The following MTX2 variants were observed in gnomAD, a reference collection of about 807,000 sequenced individuals.
MTX2 encodes the protein metaxin 2, also known as metaxin-2.
In MTX2, 35 loss-of-function variants were observed where a neutral mutation model predicts 42.3. The observed-to-expected ratio is 0.83, with a 90% confidence interval of 0.63 to 1.10. The LOEUF (loss-of-function observed/expected upper bound fraction) is 1.10. MTX2 is among the 50% of genes least tolerant of loss of function. MTX2 has a pLI of 0.00. For missense variants in MTX2, 307 were observed against 304.1 expected, an observed-to-expected ratio of 1.01 and a Z score of -0.07; for synonymous variants, 119 against 100.9, an observed-to-expected ratio of 1.18 and a Z score of -1.08.
At chr2:176,321,160 C>G (rs1200627684) in intron 3 of MTX2, among the ~76,000 whole-genome samples, 2 of 152,034 alleles carry the variant, frequency 1.3e-5, no homozygotes, top group Non-Finnish European at 2.9e-5. Context: ...CAGATCCAGG[C>G]TTTTTGAAAG....
intron 3 of MTX2, among the ~76,000 whole-genome samples, chr2:176,316,965 G>T (rs745763339): frequency 2.0e-5 from 3 of 149,780 alleles, no homozygotes; most frequent in Non-Finnish European, 4.4e-5. Flanking sequence ...CCCTCAAAAG[G>T]TCACATTGAT....
intron 3 of MTX2, among the ~76,000 whole-genome samples, chr2:176,317,880 A>G (rs867088144): frequency 1.3e-5 from 2 of 151,940 alleles, no homozygotes; most frequent in South Asian, 4.2e-4. Flanking sequence ...GCTTATGTAG[A>G]CTTTCATCCA....
In MTX2 at chr2:176,330,614, GCTCT is replaced by G; in HGVS notation, c.580_583del (p.Ser194LysfsTer33). On this transcript the variant is annotated frameshift_variant, in exon 9 of 10. Coordinates refer to ENST00000249442, the MANE Select transcript of MTX2 (RefSeq NM_006554.5). LOFTEE classifies it high-confidence loss of function. ...AGAGGATGTAGACCAGTGCTGTCAA[GCTCT>G]CTCTCAAAGACTGGGAACACAACCG... The G allele has an allele frequency of 6.3e-7, 1 of 1,595,118 alleles. No homozygotes were observed. The highest frequency in any genetic ancestry group is 8.6e-7 in the Non-Finnish European group (1 of 1,167,592).
intron 9 of MTX2, among the ~76,000 whole-genome samples, chr2:176,336,472 C>T (rs1267796183): frequency 6.6e-6 from 1 of 152,022 alleles, no homozygotes; most frequent in Non-Finnish European, 1.5e-5. Context: ...ATCCTTTGTG[C>T]TTTGACAGCA....
intron 1 of MTX2, among the ~76,000 whole-genome samples, chr2:176,295,725 G>A (rs952635123): frequency 1.3e-5 from 2 of 151,952 alleles, no homozygotes; most frequent in African/African-American, 4.8e-5. Context: ...GCAAATTAAG[G>A]AGTTCCTTTT....
At chr2:176,329,807 C>A (rs530300892) in intron 8 of MTX2, among the ~76,000 whole-genome samples, 1 of 148,576 alleles carries the variant, frequency 6.7e-6, no homozygotes, top group African/African-American at 2.5e-5. Context: ...ATTGTGGGCA[C>A]CTTTTATGTA....
intron 3 of MTX2, among the ~76,000 whole-genome samples, chr2:176,305,820 C>T (rs908861708): frequency 1.3e-5 from 2 of 152,080 alleles, no homozygotes; most frequent in Non-Finnish European, 2.9e-5. Context: ...CAAATGTTCT[C>T]TCAAATAACA....
intron 6 of MTX2, 67 bp downstream of exon 6, chr2:176,328,452 C>T (rs1235077233): frequency 9.7e-7 from 1 of 1,027,002 alleles, no homozygotes; most frequent in East Asian, 2.7e-5. Flanking sequence ...TATAATCTTT[C>T]TTATGGGTTA....
At chr2:176,278,304 G>A (rs1017562937) in intron 1 of MTX2, among the ~76,000 whole-genome samples, 1 of 151,924 alleles carries the variant, frequency 6.6e-6, no homozygotes, top group Non-Finnish European at 1.5e-5. Context: ...GCCCGCCTCA[G>A]CCTCCCAAAG....
Position 176,323,432 on chromosome 2 carries a change from G to A in MTX2, c.176G>A (p.Cys59Tyr). 6.2e-7 allele frequency: 1 copy of A among 1,611,316 alleles called. No homozygotes were observed. Among genetic ancestry groups the A allele is most frequent in the Non-Finnish European group, 8.5e-7 (1 of 1,178,246 alleles). ...QMCNLPIKVV[C>Y]RANAEYMSPS... ...TGTAACTTGCCTATCAAAGTAGTTT[G>A]TAGGGCAAATGCAGAATATATGTCT... The change falls in exon 4 of 10, where the codon TGT (cysteine) becomes TAT (tyrosine). Residue 59 changes from cysteine to tyrosine, a missense_variant. Cys to Tyr is a radical substitution (Grantham distance 194, BLOSUM62 -2). Transcript: ENST00000249442.
At position 176,325,841 on chromosome 2, in the gene MTX2, A is replaced by G. The variant is rs192048655; in HGVS notation, c.209-984A>G. On this transcript the variant is annotated intron_variant, in intron 4 of 9. Coordinates refer to ENST00000249442, the MANE Select transcript of MTX2 (RefSeq NM_006554.5). ...TTGGCAACAGGGAAATATCTTCTCAATACATCTATTGAGTTGTTGTGTTCC... is the reference window on the plus strand; with the variant it reads ...TTGGCAACAGGGAAATATCTTCTCAGTACATCTATTGAGTTGTTGTGTTCC... Among the ~76,000 whole-genome samples the G allele has an allele frequency of 1.9e-3, 294 of 151,890 alleles. 1 individual carries two copies. Among genetic ancestry groups the G allele is most frequent in the African/African-American group, 6.6e-3 (276 of 41,518 alleles).
At chr2:176,281,879 GC>G (rs1423701149) in intron 1 of MTX2, among the ~76,000 whole-genome samples, 2 of 152,160 alleles carry the variant, frequency 1.3e-5, no homozygotes, top group East Asian at 3.9e-4. Flanking sequence ...GAACATGCAT[GC>G]ATATACAAAT....
chr2:176,300,112 A>G (rs1278542365), intron 3 of MTX2, among the ~76,000 whole-genome samples: 2 of 150,510 alleles, frequency 1.3e-5, no homozygotes, highest in African/African-American at 2.5e-5. Context: ...TATATGCAGT[A>G]TTATACACAC....
At chr2:176,307,585 G>A (rs569123169) in intron 3 of MTX2, among the ~76,000 whole-genome samples, 3 of 152,264 alleles carry the variant, frequency 2.0e-5, no homozygotes, top group Admixed American at 6.5e-5. Context: ...TCCTTGAGCA[G>A]TAGTTTGTAG....
chr2:176,298,278 A>G (rs1201571358), intron 3 of MTX2, among the ~76,000 whole-genome samples: 1 of 151,980 alleles, frequency 6.6e-6, no homozygotes, highest in Non-Finnish European at 1.5e-5. Flanking sequence ...TTTATCACAT[A>G]TTTTTAAGCA....
chr2:176,275,696 G>A (rs891775105), intron 1 of MTX2, among the ~76,000 whole-genome samples: 7 of 151,838 alleles, frequency 4.6e-5, no homozygotes, highest in African/African-American at 1.7e-4. Context: ...CAGTCAGTTG[G>A]TTATGAATAT....
intron 1 of MTX2, among the ~76,000 whole-genome samples, chr2:176,287,362 C>T (rs1381300370): frequency 1.3e-5 from 2 of 151,998 alleles, no homozygotes; most frequent in African/African-American, 4.8e-5. Context: ...ACTGAGTATC[C>T]CCAATTTGAA....
At chr2:176,271,156 G>A (rs1288855661) in intron 1 of MTX2, among the ~76,000 whole-genome samples, 1 of 152,104 alleles carries the variant, frequency 6.6e-6, no homozygotes, top group African/African-American at 2.4e-5. Context: ...TATTTGTAGT[G>A]ATCTGTTACT....
intron 3 of MTX2, among the ~76,000 whole-genome samples, chr2:176,311,678 C>G (rs1211539337): frequency 6.6e-6 from 1 of 152,214 alleles, no homozygotes; most frequent in Non-Finnish European, 1.5e-5. Context: ...TAGCAGTGAG[C>G]AAGGCTCTGT....
Sources: allele counts gnomAD v4.1 joint callset (sites outside exome capture counted in the v4.1 genomes callset), GRCh38; gene constraint gnomAD v4.1.1; transcripts MANE v1.5; gene names NCBI Gene and HGNC (gene_info 2026-07-23, HGNC 2026-07-21).